Variants in ENTREP2 observed in about 807,000 individuals in gnomAD.
ENTREP2 encodes the protein protein ENTREP2.
the ENTREP2 span, among the ~76,000 whole-genome samples, chr15:29,389,325 C>G: frequency 2.0e-5 from 3 of 152,176 alleles, no homozygotes; most frequent in South Asian, 4.1e-4. Context: ...TAAGACACTA[C>G]GACATCCGGA....
At chr15:29,217,408 T>C in the ENTREP2 span, among the ~76,000 whole-genome samples, 591 of 152,288 alleles carry the variant, frequency 3.9e-3, 2 homozygotes, top group African/African-American at 0.014. Context: ...GGTTGGGCAT[T>C]ACAATTTAAC....
the ENTREP2 span, among the ~76,000 whole-genome samples, chr15:29,168,859 G>A: frequency 6.6e-6 from 1 of 152,184 alleles, no homozygotes. Flanking sequence ...CTCTCCGCAA[G>A]GGTTCAGAAC....
At chr15:29,631,293 T>C in the ENTREP2 span, among the ~76,000 whole-genome samples, 2 of 152,246 alleles carry the variant, frequency 1.3e-5, no homozygotes, top group African/African-American at 4.8e-5. Context: ...CCATTCAAGT[T>C]ATTTTCTGGG....
the ENTREP2 span, among the ~76,000 whole-genome samples, chr15:29,118,634 G>A: frequency 6.6e-6 from 1 of 152,208 alleles, no homozygotes; most frequent in Non-Finnish European, 1.5e-5. Flanking sequence ...AATGGAATGA[G>A]GGAGCCAGGG....
At chr15:29,189,472 C>T in the ENTREP2 span, among the ~76,000 whole-genome samples, 2 of 150,428 alleles carry the variant, frequency 1.3e-5, no homozygotes, top group African/African-American at 4.9e-5. Flanking sequence ...AGCACATAAA[C>T]TCAATAACTG....
the ENTREP2 span, among the ~76,000 whole-genome samples, chr15:29,367,908 A>G: frequency 6.6e-6 from 1 of 151,520 alleles, no homozygotes; most frequent in East Asian, 1.9e-4. Context: ...TGCTTTCTAG[A>G]GGCACCACAT....
chr15:29,226,100 G>A, the ENTREP2 span, among the ~76,000 whole-genome samples: 10 of 152,206 alleles, frequency 6.6e-5, no homozygotes, highest in African/African-American at 2.4e-4. Context: ...TGACACTGCC[G>A]TGTTCCTAGC....
At chr15:29,212,994 C>T in the ENTREP2 span, among the ~76,000 whole-genome samples, 3 of 152,334 alleles carry the variant, frequency 2.0e-5, no homozygotes, top group Admixed American at 6.5e-5. Flanking sequence ...GATCCAGTTT[C>T]AGCTTTCTAC....
At chr15:29,413,985 C>T in the ENTREP2 span, among the ~76,000 whole-genome samples, 1 of 152,010 alleles carries the variant, frequency 6.6e-6, no homozygotes, top group Non-Finnish European at 1.5e-5. Context: ...ACAGGAGCAC[C>T]CAGATTCATA....
At chr15:29,477,307 C>A in the ENTREP2 span, among the ~76,000 whole-genome samples, 1 of 151,986 alleles carries the variant, frequency 6.6e-6, no homozygotes, top group Non-Finnish European at 1.5e-5. Context: ...GATGTTCTGC[C>A]TTTGGGTGCC....
chr15:29,352,109 A>T, the ENTREP2 span, among the ~76,000 whole-genome samples: 3 of 151,260 alleles, frequency 2.0e-5, no homozygotes, highest in African/African-American at 7.3e-5. Flanking sequence ...TAATTTTTAA[A>T]TTTTTTGTAG....
the ENTREP2 span, among the ~76,000 whole-genome samples, chr15:29,189,308 G>A: frequency 5.3e-5 from 8 of 152,286 alleles, no homozygotes; most frequent in East Asian, 7.7e-4. Context: ...CACCCAGCTG[G>A]TGTCTGCTGG....
At chr15:29,164,192 A>G in the ENTREP2 span, among the ~76,000 whole-genome samples, 21 of 152,300 alleles carry the variant, frequency 1.4e-4, no homozygotes, top group Admixed American at 3.3e-4. Context: ...AAATCCTGGA[A>G]ACACATCAAA....
the ENTREP2 span, among the ~76,000 whole-genome samples, chr15:29,359,180 A>T: frequency 1.3e-5 from 2 of 152,200 alleles, no homozygotes; most frequent in Admixed American, 1.3e-4. Context: ...GCTGTTATGG[A>T]AAAAAACTGC....
chr15:29,471,986 G>A, the ENTREP2 span, among the ~76,000 whole-genome samples: 1 of 152,116 alleles, frequency 6.6e-6, no homozygotes, highest in Non-Finnish European at 1.5e-5. Flanking sequence ...TGAGGGCTGG[G>A]GTGGAGCAGA....
the ENTREP2 span, among the ~76,000 whole-genome samples, chr15:29,437,888 T>C: frequency 6.6e-6 from 1 of 152,254 alleles, no homozygotes; most frequent in Admixed American, 6.5e-5. Context: ...ACAGTTTGGC[T>C]TCATCTTCAA....
chr15:29,262,850 G>C, the ENTREP2 span, among the ~76,000 whole-genome samples: 1 of 152,132 alleles, frequency 6.6e-6, no homozygotes, highest in Non-Finnish European at 1.5e-5. Context: ...CATCCTGTGG[G>C]ATCTGACACT....
chr15:29,282,815 T>C, the ENTREP2 span, among the ~76,000 whole-genome samples: 2,725 of 152,274 alleles, frequency 0.018, 105 homozygotes, highest in African/African-American at 0.062. Flanking sequence ...CATCCAAGTC[T>C]GCCCTTTAAC....
At chr15:29,220,584 G>A in the ENTREP2 span, among the ~76,000 whole-genome samples, 1 of 152,030 alleles carries the variant, frequency 6.6e-6, no homozygotes, top group Non-Finnish European at 1.5e-5. Flanking sequence ...TGCTAATTGC[G>A]TTTCTACCTG....
Sources: allele counts gnomAD v4.1 joint callset (sites outside exome capture counted in the v4.1 genomes callset), GRCh38; gene constraint gnomAD v4.1.1; transcripts MANE v1.5; gene names NCBI Gene and HGNC (gene_info 2026-07-23, HGNC 2026-07-21).